The following TULP4 variants were observed in gnomAD, a reference collection of about 807,000 sequenced individuals.
TULP4 encodes TUB like protein 4.
Under a neutral mutation model 129.0 loss-of-function variants are expected in TULP4, and 16 were observed. The ratio of observed to expected loss-of-function variants is 0.12; its 90% confidence interval spans 0.08 to 0.19. The LOEUF is 0.19. TULP4 is among the 10% of genes least tolerant of loss of function. The pLI is 1.00. For synonymous variants in TULP4, 998 were observed against 854.0 expected (o/e 1.17, Z -2.94); for missense variants, 1,842 against 2,059.1 (o/e 0.89, Z 2.04).
At chr6:158,318,867 A>G (rs1030583458) in intron 1 of TULP4, among the ~76,000 whole-genome samples, 2 of 151,038 alleles carry the variant, frequency 1.3e-5, no homozygotes, top group Non-Finnish European at 2.9e-5. Flanking sequence ...GTGGGACTAC[A>G]GACATATGCC....
intron 1 of TULP4, among the ~76,000 whole-genome samples, chr6:158,264,971 G>C (rs1778422882): frequency 6.6e-6 from 1 of 152,128 alleles, no homozygotes; most frequent in African/African-American, 2.4e-5. Flanking sequence ...CATCTGTGAG[G>C]GACTAACTTC....
In TULP4 at chr6:158,501,775, G is replaced by T. The variant is rs922327441; in HGVS notation, c.2112G>T (p.Thr704=). The change falls in exon 13 of 14, where the codon ACG becomes ACT. Residue 704 remains threonine, a synonymous_variant. Transcript: ENST00000367097. The part of the protein sequence containing the change: ...IHSSAQAMSP[T]QSIGLVQSLL... ...GCTCGGCTCAGGCTATGTCCCCCAC[G>T]CAGAGCATAGGGCTGGTGCAGTCCC... 1.2e-6 allele frequency: 2 copies of T among 1,613,948 alleles called. No homozygotes were observed. The highest frequency in any genetic ancestry group is 2.7e-5 in the African/African-American group (2 of 74,866).
intron 1 of TULP4, among the ~76,000 whole-genome samples, chr6:158,378,472 T>TTTG (rs1777245441): frequency 1.3e-5 from 1 of 75,922 alleles, no homozygotes; most frequent in African/African-American, 4.1e-5. Flanking sequence ...AGTTTTTTTT[T>TTTG]TTTTTTTTTT....
chr6:158,275,119 T>C (rs576022982), intron 1 of TULP4, among the ~76,000 whole-genome samples: 1 of 152,376 alleles, frequency 6.6e-6, no homozygotes, highest in East Asian at 1.9e-4. Context: ...CAAATCTTAC[T>C]AGACTGGAAC....
intron 1 of TULP4, among the ~76,000 whole-genome samples, chr6:158,346,032 C>T (rs1056603059): frequency 6.6e-6 from 1 of 152,200 alleles, no homozygotes; most frequent in African/African-American, 2.4e-5. Flanking sequence ...TATAGGCTCT[C>T]TTCAAGAAGA....
At chr6:158,311,333 T>A (rs1779346647), upstream of TULP4, among the ~76,000 whole-genome samples, 1 of 152,094 alleles carries the variant, frequency 6.6e-6, no homozygotes, top group Non-Finnish European at 1.5e-5. Flanking sequence ...TTTGAGAAAG[T>A]CCACTCTGCT....
At chr6:158,364,011 T>G (rs1009212529) in intron 1 of TULP4, among the ~76,000 whole-genome samples, 1 of 152,168 alleles carries the variant, frequency 6.6e-6, no homozygotes, top group African/African-American at 2.4e-5. Context: ...AAACCCACAA[T>G]TTTGTGTTAA....
At chr6:158,425,878 G>T (rs1181227572) in intron 2 of TULP4, among the ~76,000 whole-genome samples, 2 of 152,264 alleles carry the variant, frequency 1.3e-5, no homozygotes, top group South Asian at 4.1e-4. Context: ...ATAGGCGTGA[G>T]CCACCTCGCC....
At chr6:158,434,243 T>C (rs2115073556) in intron 3 of TULP4, among the ~76,000 whole-genome samples, 1 of 152,320 alleles carries the variant, frequency 6.6e-6, no homozygotes, top group South Asian at 2.1e-4. Context: ...CATATGAGTT[T>C]TGGGGCACAC....
At chr6:158,475,337 C>T (rs1349881931) in intron 6 of TULP4, among the ~76,000 whole-genome samples, 2 of 152,274 alleles carry the variant, frequency 1.3e-5, no homozygotes, top group African/African-American at 2.4e-5. Flanking sequence ...CAGACCCACA[C>T]TCCCTGAAAT....
At chr6:158,300,127 C>T (rs1037755056) in intron 1 of TULP4, among the ~76,000 whole-genome samples, 7 of 152,158 alleles carry the variant, frequency 4.6e-5, no homozygotes, top group South Asian at 2.1e-4. Flanking sequence ...CTGACGCAGA[C>T]GTCTCTTCCC....
At chr6:158,385,390 A>T (rs973523646) in intron 1 of TULP4, among the ~76,000 whole-genome samples, 14 of 152,210 alleles carry the variant, frequency 9.2e-5, no homozygotes, top group African/African-American at 3.1e-4. Context: ...TAGTCCACAG[A>T]GAAGCATTTT....
At chr6:158,379,728 CAAAG>C (rs1427664181) in intron 1 of TULP4, among the ~76,000 whole-genome samples, 3 of 152,116 alleles carry the variant, frequency 2.0e-5, no homozygotes, top group Middle Eastern at 3.4e-3. Context: ...TCGATCAGGA[CAAAG>C]AAAGAAAGTG....
At chr6:158,422,870 T>C (rs1029392927) in intron 2 of TULP4, among the ~76,000 whole-genome samples, 11 of 152,172 alleles carry the variant, frequency 7.2e-5, no homozygotes, top group African/African-American at 2.7e-4. Context: ...CGTGGGGATA[T>C]GTGGGGGCGG....
chr6:158,241,909 A>G (rs1445168496), intron 1 of TULP4: 19 of 770,960 alleles, frequency 2.5e-5, no homozygotes, highest in East Asian at 2.2e-4. Context: ...GTTAAATTCT[A>G]TAGCTTGTAG....
rs35602009 is a variant in TULP4, at chr6:158,484,320, CT to C, written c.1486+3042del. 6.0e-3 allele frequency among the ~76,000 whole-genome samples: 852 copies of C among 140,914 alleles called. 3 individuals carry two copies. The highest frequency in any genetic ancestry group is 7.5e-3 in the Non-Finnish European group (481 of 64,170). 92.4% of individuals were successfully genotyped at this position (140,914 alleles called of 152,430 possible). On this transcript the variant is annotated intron_variant, in intron 8 of 13. Coordinates refer to ENST00000367097, the MANE Select transcript of TULP4 (RefSeq NM_020245.5). ...AGTGCAGTGGTATGATCATAGTGCA[CT>C]TTTTTTTTTTGTAGAGACAGGGTCT...
chr6:158,479,856 C>A lies in TULP4; in HGVS notation c.1132C>A (p.Gln378Lys). ...TGTGGAGCACCGGGTGTCCAGCCTG[C>A]AGCTGCTGTGCCAGCAGGCCATCGC... ...VRVEHRVSSL[Q>K]LLCQQAIAST... The change falls in exon 7 of 14, where the codon CAG (glutamine) becomes AAG (lysine). Residue 378 changes from glutamine (Q) to lysine (K), a missense_variant. Transcript: ENST00000367097. 6.2e-7 allele frequency: 1 copy of A among 1,613,900 alleles called. No homozygotes were observed. Among genetic ancestry groups the A allele is most frequent in the Non-Finnish European group, 8.5e-7 (1 of 1,180,034 alleles).
At position 158,283,753 on chromosome 6, in the gene TULP4, G is replaced by A. The variant is rs536998665; in HGVS notation, n.116+1375G>A. Among the ~76,000 whole-genome samples the A allele has an allele frequency of 1.6e-3, 250 of 152,288 alleles. 2 individuals carry two copies. The highest frequency in any genetic ancestry group is 5.8e-3 in the African/African-American group (239 of 41,550). On this transcript the variant is annotated intron_variant and non_coding_transcript_variant, in intron 1 of 1. Transcript: ENST00000432358. ...TTCACTAGGAAATAAACTGCCTCCA[G>A]CCTTCTGCTTCAGCAGGTCTGCTTC...
chr6:158,279,840 C>T (rs574125262), upstream of TULP4, among the ~76,000 whole-genome samples: 4 of 152,320 alleles, frequency 2.6e-5, no homozygotes, highest in East Asian at 5.8e-4. Context: ...ACACTTGATA[C>T]GTGTTTGGCT....
Sources: gnomAD v4.1 joint callset for allele counts (sites outside exome capture counted in the v4.1 genomes callset) on GRCh38, gnomAD v4.1.1 for gene constraint, MANE v1.5 for transcripts, NCBI Gene and HGNC (gene_info 2026-07-23, HGNC 2026-07-21) for gene names.